Variants in USP15 observed in about 807,000 individuals in gnomAD.
USP15 encodes ubiquitin carboxyl-terminal hydrolase 15.
Under a neutral mutation model 127.1 loss-of-function variants are expected in USP15, and 18 were observed. That is an observed-to-expected ratio of 0.14 (90% CI 0.10 to 0.21). The LOEUF (loss-of-function observed/expected upper bound fraction) is 0.21, where lower values mean the gene tolerates loss of function less well. Among genes scored for constraint, USP15 ranks in the 10% least tolerant of loss-of-function variants. The pLI is 1.00. For missense variants in USP15, 805 were observed against 1,159.9 expected, an observed-to-expected ratio of 0.69 and a Z score of 4.44; for synonymous variants, 364 against 393.7, an observed-to-expected ratio of 0.92 and a Z score of 0.89.
chr12:62,388,662 G>C (rs1464425086), intron 11 of USP15, among the ~76,000 whole-genome samples: 1 of 152,200 alleles, frequency 6.6e-6, no homozygotes. Context: ...TTAAAGGTTC[G>C]TGATAAAGCA....
intron 2 of USP15, among the ~76,000 whole-genome samples, chr12:62,296,743 T>C (rs1045127737): frequency 7.9e-5 from 12 of 152,024 alleles, no homozygotes; most frequent in African/African-American, 2.7e-4. Flanking sequence ...TTGAAATGAG[T>C]AAGAACAATT....
At chr12:62,329,751 C>T (rs947454471) in intron 6 of USP15, among the ~76,000 whole-genome samples, 1 of 152,156 alleles carries the variant, frequency 6.6e-6, no homozygotes, top group African/African-American at 2.4e-5. Flanking sequence ...CAATTTTTCA[C>T]CCATCAAAAT....
chr12:62,404,120 A>G, intron 21 of USP15, 73 bp from the exon 22 acceptor site: 2 of 1,360,822 alleles, frequency 1.5e-6, no homozygotes, highest in Non-Finnish European at 1.9e-6. Flanking sequence ...ATTGGTGACC[A>G]GCTAAAAATT....
At chr12:62,368,879 G>C (rs1169568790) in intron 8 of USP15, among the ~76,000 whole-genome samples, 1 of 152,168 alleles carries the variant, frequency 6.6e-6, no homozygotes, top group African/African-American at 2.4e-5. Context: ...CCCATTGGTT[G>C]ATGCTGTTTT....
chr12:62,356,812 C>A (rs1291038920), intron 8 of USP15, among the ~76,000 whole-genome samples: 1 of 151,686 alleles, frequency 6.6e-6, no homozygotes, highest in Non-Finnish European at 1.5e-5. Context: ...TATTATTATC[C>A]TAATAGTTAA....
chr12:62,398,130 A>G (rs2067556144), intron 20 of USP15, among the ~76,000 whole-genome samples: 1 of 151,712 alleles, frequency 6.6e-6, no homozygotes. Context: ...TAGCTGGACT[A>G]CAGGCACATG....
intron 6 of USP15, among the ~76,000 whole-genome samples, chr12:62,346,859 G>A (rs1021124943): frequency 2.0e-5 from 3 of 152,022 alleles, no homozygotes; most frequent in African/African-American, 7.2e-5. Context: ...GAATTTACTG[G>A]TAATTCCCTG....
intron 3 of USP15, chr12:62,305,961 A>C (rs531922811): frequency 4.6e-5 from 7 of 152,320 alleles, no homozygotes; most frequent in Admixed American, 4.6e-4. Context: ...ATTCAACTGC[A>C]TATGGCGAGG....
intron 1 of USP15, among the ~76,000 whole-genome samples, chr12:62,271,641 G>C (rs1251881391): frequency 1.3e-5 from 2 of 151,846 alleles, no homozygotes; most frequent in African/African-American, 2.4e-5. Flanking sequence ...AATTTATGTA[G>C]AGTCAAGCAT....
chr12:62,381,339 GTTTA>G, intron 8 of USP15, 147 bp from the exon 9 acceptor site: 3 of 558,184 alleles, frequency 5.4e-6, no homozygotes, highest in Non-Finnish European at 8.8e-6. Flanking sequence ...TCATTTGAGT[GTTTA>G]TTTGACCAGT....
rs540541493 is a variant in USP15, at chr12:62,410,217, A to G, written c.*5842A>G. 9.2e-5 allele frequency: 14 copies of G among 152,268 alleles called. No homozygotes were observed. The highest frequency in any genetic ancestry group is 8.3e-4 in the South Asian group (4 of 4,832). The allele number at this position is 152,268 out of a possible 1,614,324, so 9.4% of individuals were successfully genotyped here. A position where few individuals can be genotyped will look rare whatever the true frequency, so the allele number is the denominator to read the frequency against. On this transcript the variant is annotated 3_prime_UTR_variant, in exon 22 of 22. Transcript: ENST00000280377. ...CATGCCTGTTTAACTCATTTCCCCA[A>G]AAAGACCGCGACCTCCAGCCAGTCA...
chr12:62,372,048 C>T (rs921341451), intron 8 of USP15, among the ~76,000 whole-genome samples: 8 of 151,908 alleles, frequency 5.3e-5, no homozygotes, highest in Admixed American at 2.0e-4. Flanking sequence ...ATAATGTGTT[C>T]GGTATTTTAA....
intron 3 of USP15, chr12:62,312,288 A>AG: frequency 2.9e-6 from 1 of 345,718 alleles, no homozygotes; most frequent in Non-Finnish European, 6.0e-6. Context: ...CATTTCAGGG[A>AG]GGGAGCATAC....
At chr12:62,362,266 T>G (rs992217224) in intron 8 of USP15, among the ~76,000 whole-genome samples, 12 of 152,162 alleles carry the variant, frequency 7.9e-5, no homozygotes, top group African/African-American at 2.7e-4. Flanking sequence ...TTTGCCAGTT[T>G]AACCATTTTA....
At chr12:62,355,627 T>C in intron 8 of USP15, 152 bp downstream of exon 8, 1 of 811,072 alleles carries the variant, frequency 1.2e-6, no homozygotes, top group Non-Finnish European at 1.8e-6. Flanking sequence ...ACTTATTCAT[T>C]CTACTACTGG....
At chr12:62,334,118 A>G (rs2065385723) in intron 6 of USP15, 1 of 152,194 alleles carries the variant, frequency 6.6e-6, no homozygotes, top group African/African-American at 2.4e-5. Context: ...TTAATTTTTG[A>G]ATACCATCCT....
At chr12:62,353,259 T>A (rs919079055) in intron 7 of USP15, among the ~76,000 whole-genome samples, 1 of 152,064 alleles carries the variant, frequency 6.6e-6, no homozygotes, top group African/African-American at 2.4e-5. Context: ...GGATTTAGAT[T>A]TTTTTAAAAA....
At position 62,279,701 on chromosome 12, in the gene USP15, T is replaced by TAATA. The variant is rs1175165400; in HGVS notation, c.90-14475_90-14474insAAAT. Reference sequence around the variant, plus strand: ...TATCTCATTGTGGTTTTGATTTGCCTAATTAAGTGTTGTAACACCTTGAAA... The same window carrying TAATA: ...TATCTCATTGTGGTTTTGATTTGCCTAATAAATTAAGTGTTGTAACACCTTGAAA... On this transcript the variant is annotated intron_variant, in intron 1 of 21. Coordinates refer to ENST00000280377, the MANE Select transcript of USP15 (RefSeq NM_001252078.2). Among the ~76,000 whole-genome samples the TAATA allele has an allele frequency of 7.2e-5, 11 of 152,346 alleles. No homozygotes were observed. The East Asian group carries it at 2.1e-3, about 29-fold the overall frequency.
intron 8 of USP15, among the ~76,000 whole-genome samples, chr12:62,356,850 A>C (rs2137454967): frequency 6.6e-6 from 1 of 152,178 alleles, no homozygotes. Flanking sequence ...ATGGGTGCTT[A>C]GCTTTCAGAG....
Sources: allele counts gnomAD v4.1 joint callset (sites outside exome capture counted in the v4.1 genomes callset), GRCh38; gene constraint gnomAD v4.1.1; transcripts MANE v1.5; gene names NCBI Gene and HGNC (gene_info 2026-07-23, HGNC 2026-07-21).